Variants in TMEM232 observed in about 807,000 individuals in gnomAD.
The protein encoded by TMEM232 is transmembrane protein 232.
TMEM232 carries 80 observed loss-of-function variants against 78.8 expected under a neutral mutation model. The observed-to-expected ratio is 1.01, with a 90% confidence interval of 0.85 to 1.22. TMEM232 has a LOEUF of 1.22. TMEM232 is among the 50% of genes most tolerant of loss of function. The pLI is 0.00. For synonymous variants in TMEM232, 297 were observed against 254.3 expected, an observed-to-expected ratio of 1.17 and a Z score of -1.60; for missense variants, 881 against 742.2, an observed-to-expected ratio of 1.19 and a Z score of -2.17.
chr5:110,465,399 G>A (rs1303971536), intron 12 of TMEM232, among the ~76,000 whole-genome samples: 1 of 152,176 alleles, frequency 6.6e-6, no homozygotes, highest in African/African-American at 2.4e-5. Flanking sequence ...TAAAAGGGTA[G>A]CCTAGAGCTC....
chr5:110,417,072 G>A (rs985491107), downstream of TMEM232, among the ~76,000 whole-genome samples: 1 of 152,134 alleles, frequency 6.6e-6, no homozygotes, highest in African/African-American at 2.4e-5. Context: ...AATTGCTTTC[G>A]TGGTTACTAA....
intron 12 of TMEM232, among the ~76,000 whole-genome samples, chr5:110,478,894 T>C (rs1023614170): frequency 1.5e-5 from 2 of 132,410 alleles, no homozygotes; most frequent in African/African-American, 7.2e-5. Flanking sequence ...GATGGAGAAA[T>C]TGATTTTTTT....
intron 12 of TMEM232, among the ~76,000 whole-genome samples, chr5:110,462,302 T>TTGA (rs1330164094): frequency 2.6e-5 from 4 of 152,242 alleles, no homozygotes; most frequent in African/African-American, 9.6e-5. Flanking sequence ...AGTGTCAACT[T>TTGA]TGATTGGATT....
upstream of TMEM232, among the ~76,000 whole-genome samples, chr5:110,727,900 C>T (rs887905786): frequency 5.3e-5 from 8 of 152,128 alleles, no homozygotes; most frequent in African/African-American, 1.2e-4. Context: ...AGAATATCAA[C>T]AGTGCTTACC....
chr5:110,624,987 T>C (rs1230852182), intron 7 of TMEM232, among the ~76,000 whole-genome samples: 4 of 152,058 alleles, frequency 2.6e-5, no homozygotes, highest in African/African-American at 7.2e-5. Flanking sequence ...TTACTGGTCT[T>C]TTTTGGAAAA....
At chr5:110,698,901 T>C (rs1294555722) in intron 1 of TMEM232, among the ~76,000 whole-genome samples, 2 of 152,056 alleles carry the variant, frequency 1.3e-5, no homozygotes, top group Non-Finnish European at 1.5e-5. Context: ...CTGAGAGCAA[T>C]TGCGATAAAA....
Position 110,419,976 on chromosome 5 carries a change from A to G in TMEM232, c.*604T>C, listed in dbSNP as rs1199091438. The G allele has an allele frequency of 6.6e-6, 1 of 152,118 alleles. No homozygotes were observed. Among genetic ancestry groups the G allele is most frequent in the Non-Finnish European group, 1.5e-5 (1 of 68,044 alleles). 9.4% of individuals were successfully genotyped at this position (152,118 alleles called of 1,614,324 possible). A position where few individuals can be genotyped will look rare whatever the true frequency, so the allele number is the denominator to read the frequency against. ...ACTCACAGAACAGAGTAAAACCACC[A>G]TCTCTCAGGAATCCCCTCTGGCATC... is the stretch of plus-strand genomic sequence containing the variant. On this transcript the variant is annotated 3_prime_UTR_variant, in exon 14 of 14. Coordinates refer to ENST00000455884, the MANE Select transcript of TMEM232 (RefSeq NM_001039763.4).
intron 1 of TMEM232, among the ~76,000 whole-genome samples, chr5:110,684,563 G>C (rs1424014685): frequency 1.3e-5 from 2 of 152,074 alleles, no homozygotes; most frequent in African/African-American, 2.4e-5. Context: ...TAGAGAAAGA[G>C]GTTTGTAAGT....
intron 12 of TMEM232, among the ~76,000 whole-genome samples, chr5:110,525,011 A>G (rs1217885469): frequency 2.0e-5 from 3 of 152,064 alleles, no homozygotes; most frequent in African/African-American, 7.2e-5. Context: ...CATATCTTCA[A>G]TTTTAGCCTA....
Position 110,482,683 on chromosome 5 carries a change from T to C in TMEM232, c.1703+45905A>G, listed in dbSNP as rs989149879. Among the ~76,000 whole-genome samples, 4 of 151,442 alleles carry C rather than the reference T, an allele frequency of 2.6e-5. No homozygotes were observed. The East Asian group carries it at 5.8e-4, about 22-fold the overall frequency. Reference sequence around the variant, plus strand: ...ATGAATTTAGCATAAAGTTTAGAAGTAGATTTCTGCAACTAAACCCGTAAA... The same window carrying C: ...ATGAATTTAGCATAAAGTTTAGAAGCAGATTTCTGCAACTAAACCCGTAAA... On this transcript the variant is annotated intron_variant, in intron 12 of 13. Transcript: ENST00000455884.
intron 3 of TMEM232, among the ~76,000 whole-genome samples, chr5:110,395,213 G>A (rs1366648212): frequency 1.3e-5 from 2 of 152,058 alleles, no homozygotes; most frequent in African/African-American, 4.8e-5. Context: ...TAAGGCCTTT[G>A]TTTTATAGAA....
chr5:110,724,189 C>T (rs1290696451), intron 1 of TMEM232, among the ~76,000 whole-genome samples: 1 of 152,166 alleles, frequency 6.6e-6, no homozygotes, highest in Non-Finnish European at 1.5e-5. Flanking sequence ...CTTTCACATA[C>T]TTTATATCTT....
intron 1 of TMEM232, among the ~76,000 whole-genome samples, chr5:110,724,282 T>C (rs1291790494): frequency 6.6e-6 from 1 of 152,186 alleles, no homozygotes; most frequent in Non-Finnish European, 1.5e-5. Context: ...TCCATCCCTA[T>C]ACTGTAAACC....
chr5:110,570,218 A>T (rs1428824537), intron 10 of TMEM232, among the ~76,000 whole-genome samples: 1 of 151,968 alleles, frequency 6.6e-6, no homozygotes, highest in Non-Finnish European at 1.5e-5. Context: ...AACTTTACTA[A>T]TTTAAATTGA....
At chr5:110,569,858 A>C (rs1274310890) in intron 10 of TMEM232, among the ~76,000 whole-genome samples, 3 of 151,920 alleles carry the variant, frequency 2.0e-5, no homozygotes, top group African/African-American at 7.2e-5. Flanking sequence ...TTGCTTAGAA[A>C]GCTCCCTGGC....
intron 2 of TMEM232, among the ~76,000 whole-genome samples, chr5:110,408,111 G>C (rs577616000): frequency 1.3e-4 from 20 of 152,068 alleles, no homozygotes; most frequent in African/African-American, 4.8e-4. Context: ...ACAAAAAGTT[G>C]TATCTATGGG....
At chr5:110,454,751 G>A (rs1170413737) in intron 12 of TMEM232, among the ~76,000 whole-genome samples, 1 of 151,788 alleles carries the variant, frequency 6.6e-6, no homozygotes, top group Admixed American at 6.6e-5. Context: ...AAAACCTCTT[G>A]AATCAGTGAA....
At chr5:110,630,601 C>T (rs138409851) in intron 5 of TMEM232, among the ~76,000 whole-genome samples, 1 of 152,292 alleles carries the variant, frequency 6.6e-6, no homozygotes, top group East Asian at 1.9e-4. Context: ...TGAAGATATG[C>T]TTGCTTCTCC....
chr5:110,707,935 A>T (rs1796102819), intron 1 of TMEM232, among the ~76,000 whole-genome samples: 1 of 152,192 alleles, frequency 6.6e-6, no homozygotes, highest in Admixed American at 6.6e-5. Flanking sequence ...GCTGCCTTGA[A>T]GGGAAGAACT....
Sources: allele counts gnomAD v4.1 joint callset (sites outside exome capture counted in the v4.1 genomes callset), GRCh38; gene constraint gnomAD v4.1.1; transcripts MANE v1.5; gene names NCBI Gene and HGNC (gene_info 2026-07-23, HGNC 2026-07-21).